MX1: variants seen among roughly 807,000 people sequenced by gnomAD.
MX1 encodes interferon-induced GTP-binding protein Mx1.
MX1 carries 66 observed loss-of-function variants against 66.4 expected under a neutral mutation model. The observed-to-expected ratio is 0.99, with a 90% CI of 0.82 to 1.22. The LOEUF (loss-of-function observed/expected upper bound fraction) is 1.22, where lower values mean the gene tolerates loss of function less well. Ranked by LOEUF, MX1 falls within the 50% of genes most tolerant of loss-of-function variation. The pLI is 0.00. For missense variants in MX1, 787 were observed against 834.3 expected (o/e 0.94, Z 0.70); for synonymous variants, 311 against 318.1 (o/e 0.98, Z 0.24).
At chr21:41,431,882 G>A (rs1302886818) in intron 4 of MX1, 168 bp from the exon 5 acceptor site, 1 of 580,514 alleles carries the variant, frequency 1.7e-6, no homozygotes, top group Non-Finnish European at 3.1e-6. Flanking sequence ...AAAAGCCAGT[G>A]AGCACACACT....
intron 10 of MX1, among the ~76,000 whole-genome samples, chr21:41,443,071 T>G (rs1047579154): frequency 6.6e-6 from 1 of 152,256 alleles, no homozygotes; most frequent in African/African-American, 2.4e-5. Flanking sequence ...TTAATGCCAC[T>G]CAAGTGTACT....
chr21:41,432,212 T>C, intron 5 of MX1, 37 bp downstream of exon 5: 3 of 1,591,862 alleles, frequency 1.9e-6, no homozygotes, highest in Non-Finnish European at 2.6e-6. Context: ...CCATGTGACA[T>C]GAGCCATGCC....
Position 41,441,725 on chromosome 21 carries a change from C to T in MX1, c.740C>T (p.Thr247Met), listed in dbSNP as rs2090518876. 9.3e-6 allele frequency: 15 copies of T among 1,614,170 alleles called. No individual in the cohort carries two copies. The highest frequency in any genetic ancestry group is 1.3e-5 in the African/African-American group (1 of 75,024). ...TACATCTGGCTCGCAGGAATCTTGA[C>T]GAAGCCTGATCTGGTGGACAAAGGA... ...PEGDRTIGIL[T>M]KPDLVDKGTE... is the part of the protein sequence containing the mutation. The change falls in exon 10 of 17, where the codon ACG becomes ATG. Residue 247 changes from threonine to methionine, a missense_variant. By Grantham distance (81) the Thr-to-Met change is moderately conservative. Transcript: ENST00000398598. The surrounding 1 kb of genome is among the most constrained non-coding windows in gnomAD (Gnocchi z 4.0).
Position 41,452,722 on chromosome 21 carries a change from A to G in MX1, c.1611A>G (p.Val537=), listed in dbSNP as rs145083364. Residue 537 remains valine, a synonymous_variant, in exon 16 of 17, where the codon GTA becomes GTG. Coordinates refer to ENST00000398598, the MANE Select transcript of MX1 (RefSeq NM_002462.5). The part of the protein sequence containing the change: ...MEQIVYCQDQ[V]YRGALQKVRE... ...AGATTGTCTACTGCCAGGACCAGGT[A>G]TACAGGGGTGCATTGCAGAAGGTCA... 220 of 1,614,178 alleles carry G rather than the reference A, an allele frequency of 1.4e-4. 1 individual carries two copies. In the African/African-American group the frequency reaches 2.7e-3, roughly 20 times the overall value.
chr21:41,446,090 C>T lies in MX1; in HGVS notation c.1222C>T (p.Arg408Ter), dbSNP rs370033341. Residue 408 changes from arginine to a stop codon, truncating the protein, a stop_gained, in exon 13 of 17, where the codon CGA becomes TGA. Coordinates refer to ENST00000398598, the MANE Select transcript of MX1 (RefSeq NM_002462.5). LOFTEE classifies it high-confidence loss of function. ...AGACATTCGGCTGTTTACCAGACTCCGACACGAGTTCCACAAATGGAGTAC... is the reference window on the plus strand; with the variant it reads ...AGACATTCGGCTGTTTACCAGACTCTGACACGAGTTCCACAAATGGAGTAC... ...EEDIRLFTRL[R>*]HEFHKWSTII... is the part of the protein sequence containing the mutation. 69 of 1,613,998 alleles carry T rather than the reference C, an allele frequency of 4.3e-5. No individual in the cohort carries two copies. The highest frequency in any genetic ancestry group is 5.2e-5 in the Non-Finnish European group (61 of 1,180,028).
chr21:41,439,736 A>G lies in MX1; in HGVS notation c.479A>G (p.Glu160Gly), dbSNP rs768562292. ...IAGEGMGISH[E>G]LITLEISSRD... ...GGGGAAGGAATGGGAATCAGTCATG[A>G]GCTAATCACCCTGGAGATCAGCTCC... Residue 160 changes from glutamate to glycine, a missense_variant, in exon 8 of 17, where the codon GAG becomes GGG. Physicochemically the swap from Glu to Gly is moderately conservative, Grantham distance 98 (BLOSUM62 -2). Coordinates refer to ENST00000398598, the MANE Select transcript of MX1 (RefSeq NM_002462.5). 6 of 1,614,120 alleles carry G rather than the reference A, an allele frequency of 3.7e-6. No individual in the cohort carries two copies. In the South Asian group the frequency reaches 6.6e-5, roughly 18 times the overall value.
In MX1 at chr21:41,449,305, C is replaced by G; in HGVS notation, c.1432+10C>G. On this transcript the variant is annotated intron_variant, in intron 14 of 16. Transcript: ENST00000398598. ...CTACACACCGTGACGGGTGAGTGCT[C>G]AGTTTCACCTCTGAGCATTGATTTC... is the stretch of plus-strand genomic sequence containing the variant. The G allele has an allele frequency of 6.2e-7, 1 of 1,604,336 alleles. No homozygotes were observed. Among genetic ancestry groups the G allele is most frequent in the East Asian group, 2.2e-5 (1 of 44,672 alleles).
rs559021046 is a variant in MX1 at position 41,451,834 on chromosome 21, CA to C, written c.1509+608del. On this transcript the variant is annotated intron_variant, in intron 15 of 16. Transcript: ENST00000398598. ...TAGGCGATGGAGCGAGACCCCGTCT[CA>C]AAAAAAAAAAAAAAAACAAACAAAA... is the stretch of plus-strand genomic sequence containing the variant. 5.2e-3 allele frequency among the ~76,000 whole-genome samples: 267 copies of C among 51,446 alleles called. 1 individual carries two copies. Among genetic ancestry groups the C allele is most frequent in the African/African-American group, 0.011 (143 of 12,806 alleles). The allele number at this position is 51,446 out of a possible 152,430, so 33.8% of individuals were successfully genotyped here. A position where few individuals can be genotyped will look rare whatever the true frequency, so the allele number is the denominator to read the frequency against.
chr21:41,421,452 C>G (rs2089992871), upstream of MX1: 1 of 154,938 alleles, frequency 6.5e-6, no homozygotes. Context: ...CAGGTCTTTC[C>G]CTTCCCACGA....
Position 41,449,126 on chromosome 21 carries a change from TC to T in MX1, c.1274-9del. 1 of 1,570,344 alleles carries T rather than the reference TC, an allele frequency of 6.4e-7. No individual in the cohort carries two copies. Among genetic ancestry groups the T allele is most frequent in the Non-Finnish European group, 8.6e-7 (1 of 1,162,880 alleles). Reference sequence around the variant, plus strand: ...GTAAAATAATTTAGAGGGTTTTTTTTCCTGCTATAGGCCATAAAATTTTGAG... The same window carrying T: ...GTAAAATAATTTAGAGGGTTTTTTTTCTGCTATAGGCCATAAAATTTTGAG... On this transcript the variant is annotated splice_polypyrimidine_tract_variant and intron_variant, in intron 13 of 16. Coordinates refer to ENST00000398598, the MANE Select transcript of MX1 (RefSeq NM_002462.5).
Position 41,457,031 on chromosome 21 carries a change from T to A in MX1, c.1759-1497T>A, listed in dbSNP as rs534859513. On this transcript the variant is annotated intron_variant, in intron 16 of 16. Coordinates refer to ENST00000398598, the MANE Select transcript of MX1 (RefSeq NM_002462.5). Reference sequence around the variant, plus strand: ...CGCCTCAGTCTACCAAAGTGCTGGGTTTACAGGCGTGAGCCACCACGCCCG... The same window carrying A: ...CGCCTCAGTCTACCAAAGTGCTGGGATTACAGGCGTGAGCCACCACGCCCG... 9.2e-5 allele frequency among the ~76,000 whole-genome samples: 14 copies of A among 152,286 alleles called. 1 individual carries two copies. The highest frequency in any genetic ancestry group is 9.2e-4 in the Admixed American group (14 of 15,298).
chr21:41,456,443 AGG>A (rs2090961597), intron 16 of MX1, among the ~76,000 whole-genome samples: 1 of 152,154 alleles, frequency 6.6e-6, no homozygotes, highest in African/African-American at 2.4e-5. Flanking sequence ...TCTTCTTTTT[AGG>A]GAAACCTCAT....
chr21:41,449,338 A>G (rs2280807), intron 14 of MX1, 43 bp downstream of exon 14: 224,469 of 1,574,100 alleles, frequency 0.14, 17,581 homozygotes, highest in East Asian at 0.29. Flanking sequence ...TTCTAAAGAA[A>G]GGAAAGGTTC....
At position 41,430,604 on chromosome 21, in the gene MX1, T is replaced by C. The variant is rs1160646234; in HGVS notation, c.-26T>C. ...TACTTTTATTTGAAGGAACGTATATTAGAGGTAAGTTGGTGCATGCTATTT... is the reference window on the plus strand; with the variant it reads ...TACTTTTATTTGAAGGAACGTATATCAGAGGTAAGTTGGTGCATGCTATTT... On this transcript the variant is annotated 5_prime_UTR_variant, in exon 4 of 17. Coordinates refer to ENST00000398598, the MANE Select transcript of MX1 (RefSeq NM_002462.5). 1 of 152,188 alleles carries C rather than the reference T, an allele frequency of 6.6e-6. No homozygotes were observed. Among genetic ancestry groups the C allele is most frequent in the Non-Finnish European group, 1.5e-5 (1 of 68,028 alleles). The allele number at this position is 152,188 out of a possible 1,614,324, so 9.4% of individuals were successfully genotyped here. A position where few individuals can be genotyped will look rare whatever the true frequency, so the allele number is the denominator to read the frequency against.
At position 41,427,328 on chromosome 21, in the gene MX1, A is replaced by G. The variant is rs554176073; in HGVS notation, c.-210+24A>G. The G allele has an allele frequency of 3.9e-5, 6 of 152,300 alleles. No homozygotes were observed. In the East Asian group the frequency reaches 1.2e-3, roughly 30 times the overall value. 9.4% of individuals were successfully genotyped at this position (152,300 alleles called of 1,614,324 possible). On this transcript the variant is annotated intron_variant, in intron 2 of 16. Coordinates refer to ENST00000398598, the MANE Select transcript of MX1 (RefSeq NM_002462.5). ...TGGTAGGTAGCAGTGCATTTGGTCT[A>G]AAGGGCAAGATGTTCTCTCTTTTAT...
rs770083168 is a variant in MX1 at position 41,458,671 on chromosome 21, C to T, written c.1902C>T (p.Ser634=). The T allele has an allele frequency of 1.6e-5, 26 of 1,614,200 alleles. 1 individual carries two copies. The South Asian group carries it at 2.2e-4, about 14-fold the overall frequency. Residue 634 remains serine (S), a synonymous_variant, in exon 17 of 17, where the codon AGC becomes AGT. Transcript: ENST00000398598. ...DTYSWLLKER[S]DTSDKRKFLK... Reference sequence around the variant, plus strand: ...ACAGCTGGCTCCTGAAGGAGCGGAGCGACACCAGCGACAAGCGGAAGTTCC... The same window carrying T: ...ACAGCTGGCTCCTGAAGGAGCGGAGTGACACCAGCGACAAGCGGAAGTTCC...
rs1417291179 is a variant in MX1, at chr21:41,451,153, C to T, written c.1433-14C>T. 2 of 1,578,608 alleles carry T rather than the reference C, an allele frequency of 1.3e-6. No homozygotes were observed. Among genetic ancestry groups the T allele is most frequent in the Non-Finnish European group, 1.7e-6 (2 of 1,152,104 alleles). On this transcript the variant is annotated splice_polypyrimidine_tract_variant and intron_variant, in intron 14 of 16. Coordinates refer to ENST00000398598, the MANE Select transcript of MX1 (RefSeq NM_002462.5). ...ATCCTACCAATATTGAACTATTTTT[C>T]TCTCTTTGATTAGATATGGTCCGGC...
chr21:41,428,543 C>G (rs35207592), intron 3 of MX1: 3 of 152,352 alleles, frequency 2.0e-5, no homozygotes, highest in Non-Finnish European at 4.4e-5. Context: ...CAGGAATAAG[C>G]TTTCAGAAAT....
At chr21:41,439,880 G>C in intron 8 of MX1, 32 bp downstream of exon 8, 1 of 1,593,916 alleles carries the variant, frequency 6.3e-7, no homozygotes, top group Non-Finnish European at 8.6e-7. Flanking sequence ...GACCTTGGCC[G>C]TGGCGTGGGG....
Sources: allele counts gnomAD v4.1 joint callset (sites outside exome capture counted in the v4.1 genomes callset), GRCh38; gene constraint gnomAD v4.1.1; non-coding constraint Gnocchi (gnomAD v3.1); transcripts MANE v1.5; gene names NCBI Gene and HGNC (gene_info 2026-07-23, HGNC 2026-07-21).